Variants in FAM184A observed in about 807,000 individuals in gnomAD.
FAM184A encodes protein FAM184A.
A neutral mutation model predicts 143.8 loss-of-function variants in FAM184A; 99 were observed. The ratio of observed to expected loss-of-function variants is 0.69; its 90% CI spans 0.58 to 0.81. The LOEUF (loss-of-function observed/expected upper bound fraction) is 0.81, where lower values mean the gene tolerates loss of function less well. Ranked by LOEUF, FAM184A falls within the 40% of genes least tolerant of loss-of-function variation. The pLI is 0.00. For missense variants in FAM184A, 1,217 were observed against 1,310.5 expected (o/e 0.93, Z 1.10); for synonymous variants, 427 against 446.4 (o/e 0.96, Z 0.55).
intron 9 of FAM184A, among the ~76,000 whole-genome samples, chr6:118,994,159 T>C (rs1483775855): frequency 1.3e-5 from 2 of 152,126 alleles, no homozygotes; most frequent in East Asian, 3.9e-4. Context: ...AACACCCAAT[T>C]TGCAGTTCAG....
At chr6:118,960,878 G>A in intron 17 of FAM184A, 1 of 1,294,842 alleles carries the variant, frequency 7.7e-7, no homozygotes, top group Non-Finnish European at 1.0e-6. Flanking sequence ...ACATACCCAT[G>A]CACAAGGGAA....
chr6:118,964,595 C>A, intron 16 of FAM184A, 72 bp downstream of exon 16: 2 of 772,600 alleles, frequency 2.6e-6, no homozygotes, highest in South Asian at 2.1e-5. Context: ...CTATGCTGCT[C>A]CAAATATTTT....
At chr6:119,130,566 G>T (rs932297681) in intron 1 of FAM184A, among the ~76,000 whole-genome samples, 4 of 152,170 alleles carry the variant, frequency 2.6e-5, no homozygotes, top group African/African-American at 9.7e-5. Flanking sequence ...ATTTATAGGG[G>T]TGTATGTTAG....
intron 1 of FAM184A, among the ~76,000 whole-genome samples, chr6:119,057,420 T>G (rs1787024505): frequency 6.6e-6 from 1 of 152,156 alleles, no homozygotes; most frequent in East Asian, 1.9e-4. Context: ...CCCTGTTAAT[T>G]TAGAGATTCT....
At chr6:119,077,724 G>A (rs566817712) in intron 1 of FAM184A, among the ~76,000 whole-genome samples, 1 of 152,326 alleles carries the variant, frequency 6.6e-6, no homozygotes, top group Admixed American at 6.5e-5. Flanking sequence ...TGAGTAACCA[G>A]TAAGATACTG....
At chr6:118,975,268 C>A in intron 12 of FAM184A, 60 bp from the exon 13 acceptor site, 1 of 1,234,854 alleles carries the variant, frequency 8.1e-7, no homozygotes, top group South Asian at 1.6e-5. Flanking sequence ...CTGTGTTTAT[C>A]TGCGGGAAAG....
At chr6:119,038,292 C>G (rs1786187177) in intron 1 of FAM184A, among the ~76,000 whole-genome samples, 1 of 152,276 alleles carries the variant, frequency 6.6e-6, no homozygotes, top group African/African-American at 2.4e-5. Context: ...GCAATTGAAC[C>G]TGAGCAACTT....
intron 17 of FAM184A, among the ~76,000 whole-genome samples, 184 bp downstream of exon 17, chr6:118,961,577 G>GA (rs145650682): frequency 0.015 from 2,240 of 152,010 alleles, 34 homozygotes; most frequent in Middle Eastern, 0.041. Context: ...CCACAAATTA[G>GA]AAAAAATCTT....
chr6:119,070,006 TA>T (rs1232162403), intron 1 of FAM184A, among the ~76,000 whole-genome samples: 2 of 152,004 alleles, frequency 1.3e-5, no homozygotes, highest in Admixed American at 6.6e-5. Flanking sequence ...AATTAGCAAT[TA>T]AAAAAATCAA....
intron 1 of FAM184A, among the ~76,000 whole-genome samples, chr6:119,047,457 T>C (rs900410085): frequency 1.3e-5 from 2 of 152,200 alleles, no homozygotes; most frequent in African/African-American, 2.4e-5. Context: ...CCGGTTATAA[T>C]AGTTAAGATT....
At position 118,981,853 on chromosome 6, in the gene FAM184A, C is replaced by A. The variant is rs546019956; in HGVS notation, c.2089-1503G>T. ...GGTGTAATCTGTTTTAATGTATTTC[C>A]GAATAAGTGACTCCACCTGTTCAAA... is the stretch of plus-strand genomic sequence containing the variant. On this transcript the variant is annotated intron_variant, in intron 9 of 17. Coordinates refer to ENST00000338891, the MANE Select transcript of FAM184A (RefSeq NM_024581.6). Among the ~76,000 whole-genome samples the A allele has an allele frequency of 2.0e-5, 3 of 152,188 alleles. No homozygotes were observed. In the East Asian group the frequency reaches 5.8e-4, roughly 29 times the overall value.
chr6:118,968,619 T>A (rs1783572802), intron 14 of FAM184A, among the ~76,000 whole-genome samples: 1 of 152,138 alleles, frequency 6.6e-6, no homozygotes. Context: ...CCACAAGAGG[T>A]CACTGGAGCA....
intron 1 of FAM184A, among the ~76,000 whole-genome samples, chr6:119,120,010 A>G (rs1266323115): frequency 6.6e-6 from 1 of 152,176 alleles, no homozygotes; most frequent in Non-Finnish European, 1.5e-5. Flanking sequence ...AGTCTTATTG[A>G]GACATAATTC....
At chr6:118,988,551 G>T (rs1353748848) in intron 9 of FAM184A, among the ~76,000 whole-genome samples, 2 of 152,156 alleles carry the variant, frequency 1.3e-5, no homozygotes, top group East Asian at 3.9e-4. Flanking sequence ...GAGTTGCGGT[G>T]AAAACCGCCA....
At chr6:119,091,380 T>C (rs1289779544) in intron 1 of FAM184A, among the ~76,000 whole-genome samples, 3 of 152,174 alleles carry the variant, frequency 2.0e-5, no homozygotes, top group Non-Finnish European at 2.9e-5. Context: ...AATGCGTATA[T>C]CACATCCTAT....
intron 1 of FAM184A, among the ~76,000 whole-genome samples, chr6:119,032,167 G>C (rs1271635844): frequency 6.6e-6 from 1 of 152,006 alleles, no homozygotes; most frequent in Non-Finnish European, 1.5e-5. Context: ...AGACACTTGG[G>C]AGGCTGAGGC....
At chr6:119,133,450 T>C (rs1253924004) in intron 1 of FAM184A, among the ~76,000 whole-genome samples, 1 of 152,014 alleles carries the variant, frequency 6.6e-6, no homozygotes, top group African/African-American at 2.4e-5. Context: ...GGAAGTAGGA[T>C]TGGGCAGAAG....
intron 1 of FAM184A, among the ~76,000 whole-genome samples, chr6:119,029,837 G>C (rs1411632468): frequency 6.6e-6 from 1 of 151,978 alleles, no homozygotes; most frequent in East Asian, 1.9e-4. Context: ...AATATTATTG[G>C]AGCACAGTTA....
At chr6:118,986,412 G>A (rs1407905159) in intron 9 of FAM184A, among the ~76,000 whole-genome samples, 4 of 152,174 alleles carry the variant, frequency 2.6e-5, no homozygotes, top group African/African-American at 9.7e-5. Flanking sequence ...GTTTTTGAAT[G>A]TGCTAAGCAC....
Sources: allele counts gnomAD v4.1 joint callset (sites outside exome capture counted in the v4.1 genomes callset), GRCh38; gene constraint gnomAD v4.1.1; transcripts MANE v1.5; gene names NCBI Gene and HGNC (gene_info 2026-07-23, HGNC 2026-07-21).